Variants in ADAMTS17 observed in about 807,000 individuals in gnomAD.
ADAMTS17 encodes ADAM metallopeptidase with thrombospondin type 1 motif 17.
ADAMTS17 carries 113 observed loss-of-function variants against 141.5 expected under a neutral mutation model. The ratio of observed to expected loss-of-function variants is 0.80; its 90% CI spans 0.69 to 0.93. The LOEUF is 0.93. Ranked by LOEUF, ADAMTS17 falls within the 40% of genes least tolerant of loss-of-function variation. ADAMTS17 has a pLI of 0.00. For missense variants in ADAMTS17, 1,659 were observed against 1,517.9 expected, an observed-to-expected ratio of 1.09 and a Z score of -1.54; for synonymous variants, 768 against 630.6, an observed-to-expected ratio of 1.22 and a Z score of -3.27.
At chr15:100,093,302 A>G (rs547309148) in intron 15 of ADAMTS17, among the ~76,000 whole-genome samples, 1 of 152,336 alleles carries the variant, frequency 6.6e-6, no homozygotes, top group South Asian at 2.1e-4. Context: ...GAGGACCCAC[A>G]GGAGTTCAGG....
chr15:100,032,094 C>G (rs2030234266), intron 18 of ADAMTS17, among the ~76,000 whole-genome samples: 1 of 152,110 alleles, frequency 6.6e-6, no homozygotes, highest in Non-Finnish European at 1.5e-5. Flanking sequence ...GGTTTGATTC[C>G]TGAACGGGTA....
At chr15:100,248,763 G>C (rs927530285) in intron 7 of ADAMTS17, among the ~76,000 whole-genome samples, 1 of 151,928 alleles carries the variant, frequency 6.6e-6, no homozygotes, top group African/African-American at 2.4e-5. Context: ...AGTCCATATC[G>C]GTGCCAGGAG....
At chr15:100,302,771 T>C (rs1190197912) in intron 3 of ADAMTS17, among the ~76,000 whole-genome samples, 1 of 152,196 alleles carries the variant, frequency 6.6e-6, no homozygotes. Flanking sequence ...ATCCTGGGTG[T>C]GTCTGTGAGA....
chr15:100,133,191 G>A (rs1184095987), intron 11 of ADAMTS17, 23 bp downstream of exon 11: 2 of 1,562,462 alleles, frequency 1.3e-6, no homozygotes, highest in Non-Finnish European at 1.7e-6. Context: ...GCCTGTTGGG[G>A]GCAGTGGGAA....
rs539881631 is a variant in ADAMTS17, at chr15:100,040,129, G to A, written c.2591+8728C>T. ...TCTTATCTGTGGACTGTTCATTGCT[G>A]TAAGAGTCAGCCAGCAGAGGAGTCC... On this transcript the variant is annotated intron_variant, in intron 18 of 21. Transcript: ENST00000268070. 1.4e-4 allele frequency among the ~76,000 whole-genome samples: 21 copies of A among 152,278 alleles called. No individual in the cohort carries two copies. The South Asian group carries it at 4.4e-3, about 32-fold the overall frequency.
chr15:100,337,080 G>A (rs1169160222), intron 2 of ADAMTS17, among the ~76,000 whole-genome samples: 1 of 152,178 alleles, frequency 6.6e-6, no homozygotes, highest in East Asian at 1.9e-4. Flanking sequence ...TCACCATGTT[G>A]GCCAAGACTG....
chr15:100,088,177 C>A (rs2035229677), intron 15 of ADAMTS17, among the ~76,000 whole-genome samples: 1 of 152,168 alleles, frequency 6.6e-6, no homozygotes, highest in Admixed American at 6.5e-5. Context: ...AAATCACAAG[C>A]ATTCTTATAC....
At chr15:100,115,723 A>T (rs1466274809) in intron 13 of ADAMTS17, among the ~76,000 whole-genome samples, 1 of 152,224 alleles carries the variant, frequency 6.6e-6, no homozygotes, top group Non-Finnish European at 1.5e-5. Context: ...GGGAAGAAAC[A>T]TAAGACCTGG....
chr15:100,282,887 T>A (rs2044330987), intron 3 of ADAMTS17, among the ~76,000 whole-genome samples: 1 of 152,172 alleles, frequency 6.6e-6, no homozygotes, highest in Non-Finnish European at 1.5e-5. Flanking sequence ...TATAGTTAGA[T>A]CATGATTTTG....
At chr15:100,341,709 G>A in intron 1 of ADAMTS17, 112 bp downstream of exon 1, 2 of 1,353,590 alleles carry the variant, frequency 1.5e-6, no homozygotes, top group Non-Finnish European at 1.9e-6. Context: ...CCTCCGCTCG[G>A]GCGCCGTCAG....
chr15:100,125,202 T>C (rs1387035966), intron 12 of ADAMTS17, among the ~76,000 whole-genome samples: 1 of 152,216 alleles, frequency 6.6e-6, no homozygotes, highest in African/African-American at 2.4e-5. Context: ...TCAGAAGTGC[T>C]GCGAGCTGCT....
intron 18 of ADAMTS17, among the ~76,000 whole-genome samples, chr15:100,040,743 G>T (rs751403952): frequency 4.7e-5 from 7 of 150,504 alleles, no homozygotes; most frequent in Non-Finnish European, 1.0e-4. Context: ...TCTTAATTTA[G>T]ATAAATAAGG....
At chr15:100,051,852 T>C in intron 16 of ADAMTS17, 121 bp from the exon 17 acceptor site, 6 of 1,306,442 alleles carry the variant, frequency 4.6e-6, no homozygotes, top group Non-Finnish European at 6.6e-6. Flanking sequence ...AGCTCTTTTC[T>C]GGGGCTGAAA....
At chr15:100,319,011 C>T (rs930595992) in intron 3 of ADAMTS17, among the ~76,000 whole-genome samples, 1 of 152,256 alleles carries the variant, frequency 6.6e-6, no homozygotes, top group African/African-American at 2.4e-5. Flanking sequence ...CCTGTGCTTC[C>T]GATGGCCTAA....
intron 20 of ADAMTS17, among the ~76,000 whole-genome samples, chr15:99,984,433 A>G (rs1200024157): frequency 6.6e-6 from 1 of 152,222 alleles, no homozygotes; most frequent in African/African-American, 2.4e-5. Flanking sequence ...GGACTGAAGC[A>G]CACTCGAGGG....
chr15:99,974,670 G>C (rs1057340919), intron 21 of ADAMTS17, 108 bp from the exon 22 acceptor site: 1 of 1,408,260 alleles, frequency 7.1e-7, no homozygotes, highest in Non-Finnish European at 1.0e-6. Flanking sequence ...CCTCACCCTC[G>C]TGCACACGTC....
intron 3 of ADAMTS17, among the ~76,000 whole-genome samples, chr15:100,313,652 C>T (rs948534742): frequency 2.0e-5 from 3 of 152,254 alleles, no homozygotes; most frequent in African/African-American, 7.2e-5. Flanking sequence ...AGACATACAG[C>T]ATGTGCCTCC....
chr15:100,306,445 G>A (rs1440577227), intron 3 of ADAMTS17: 1 of 455,950 alleles, frequency 2.2e-6, no homozygotes, highest in South Asian at 1.5e-5. Flanking sequence ...AGAGGCCACA[G>A]GTAGACGCTC....
intron 3 of ADAMTS17, among the ~76,000 whole-genome samples, chr15:100,295,335 G>A (rs1325197334): frequency 6.6e-6 from 1 of 152,128 alleles, no homozygotes; most frequent in East Asian, 1.9e-4. Flanking sequence ...AGACCACCTT[G>A]CCAGCTGGCT....
Sources: gnomAD v4.1 joint callset for allele counts (sites outside exome capture counted in the v4.1 genomes callset) on GRCh38, gnomAD v4.1.1 for gene constraint, MANE v1.5 for transcripts, NCBI Gene and HGNC (gene_info 2026-07-23, HGNC 2026-07-21) for gene names.